The following LNPK variants were observed in gnomAD, a reference collection of about 807,000 sequenced individuals.
The protein encoded by LNPK is endoplasmic reticulum junction formation protein lunapark.
A neutral mutation model predicts 55.2 loss-of-function variants in LNPK; 29 were observed. The observed-to-expected ratio is 0.53, with a 90% CI of 0.39 to 0.72. The LOEUF (loss-of-function observed/expected upper bound fraction) is 0.72. Ranked by LOEUF, LNPK falls within the 30% of genes least tolerant of loss-of-function variation. The pLI is 0.00. For missense variants in LNPK, 467 were observed against 494.8 expected (o/e 0.94, Z 0.53); for synonymous variants, 162 against 168.2 (o/e 0.96, Z 0.29).
At chr2:175,995,272 T>A (rs72914729) in intron 2 of LNPK, among the ~76,000 whole-genome samples, 9,259 of 151,806 alleles carry the variant, frequency 0.061, 329 homozygotes, top group Admixed American at 0.12. Flanking sequence ...TTAGGAAGTA[T>A]AAGAAAACAA....
Position 175,995,516 on chromosome 2 carries a change from T to C in LNPK, c.27+42A>G, listed in dbSNP as rs751432363. On this transcript the variant is annotated intron_variant, in intron 2 of 12. Transcript: ENST00000272748. ...CACAAATAGCTTTATGTGACACTTTTATATTAGACTCAAGAACTAGCTGTA... is the reference window on the plus strand; with the variant it reads ...CACAAATAGCTTTATGTGACACTTTCATATTAGACTCAAGAACTAGCTGTA... The C allele has an allele frequency of 1.2e-5, 18 of 1,515,352 alleles. No individual in the cohort carries two copies. In the East Asian group the frequency reaches 1.6e-4, roughly 14 times the overall value. The allele number at this position is 1,515,352 out of a possible 1,614,324, so 93.9% of individuals were successfully genotyped here.
intron 5 of LNPK, among the ~76,000 whole-genome samples, chr2:175,975,349 C>T (rs2105667611): frequency 6.6e-6 from 1 of 152,264 alleles, no homozygotes; most frequent in South Asian, 2.1e-4. Context: ...AGAATCAGTG[C>T]CATCAGCTCA....
At chr2:175,963,086 AAC>A (rs1284996285) in intron 8 of LNPK, among the ~76,000 whole-genome samples, 2 of 147,306 alleles carry the variant, frequency 1.4e-5, no homozygotes, top group African/African-American at 5.1e-5. Flanking sequence ...GAGAAATAGG[AAC>A]ACTTTTACAC....
intron 9 of LNPK, among the ~76,000 whole-genome samples, chr2:175,945,002 A>C (rs1224914162): frequency 6.6e-6 from 1 of 151,486 alleles, no homozygotes; most frequent in Non-Finnish European, 1.5e-5. Flanking sequence ...AGGTTCCAGC[A>C]ATTCTCCTGC....
intron 4 of LNPK, among the ~76,000 whole-genome samples, chr2:175,986,919 T>C (rs1001918981): frequency 1.3e-5 from 2 of 148,748 alleles, no homozygotes; most frequent in African/African-American, 5.0e-5. Context: ...GTCCTGAAGG[T>C]ATTAGCTAAC....
chr2:175,953,061 G>A (rs1685499235), intron 8 of LNPK, among the ~76,000 whole-genome samples: 2 of 151,956 alleles, frequency 1.3e-5, no homozygotes, highest in Non-Finnish European at 2.9e-5. Flanking sequence ...TTCAAATTCT[G>A]GTTTTTATGA....
chr2:175,937,971 C>T (rs185948673), intron 11 of LNPK: 58 of 187,036 alleles, frequency 3.1e-4, no homozygotes, highest in Non-Finnish European at 4.6e-4. Context: ...TGAGAATCAT[C>T]TGCAGAGCTT....
Position 175,992,079 on chromosome 2 carries a change from T to C in LNPK, c.257+152A>G, listed in dbSNP as rs969813081. On this transcript the variant is annotated intron_variant, in intron 4 of 12. Coordinates refer to ENST00000272748, the MANE Select transcript of LNPK (RefSeq NM_030650.3). ...AAATGAAGGTTTAGAACAATTGTTC[T>C]ACTAAAAAAATCTTTTCAAATTGTG... is the stretch of plus-strand genomic sequence containing the variant. 29 of 531,072 alleles carry C rather than the reference T, an allele frequency of 5.5e-5. No homozygotes were observed. The African/African-American group carries it at 5.8e-4, about 11-fold the overall frequency. The allele number at this position is 531,072 out of a possible 1,614,324, so 32.9% of individuals were successfully genotyped here. A position where few individuals can be genotyped will look rare whatever the true frequency, so the allele number is the denominator to read the frequency against.
At position 175,995,620 on chromosome 2, in the gene LNPK, T is replaced by C. The variant is rs977430141; in HGVS notation, c.-36A>G. On this transcript the variant is annotated 5_prime_UTR_variant, in exon 2 of 13. Transcript: ENST00000272748. ...TAGAAACTGGGCACAATGATAAATA[T>C]CATCAATTGTCCAAAGGAATTCACA... 3 of 1,552,732 alleles carry C rather than the reference T, an allele frequency of 1.9e-6. No individual in the cohort carries two copies. The highest frequency in any genetic ancestry group is 2.7e-6 in the Non-Finnish European group (3 of 1,125,522).
At chr2:175,962,155 T>A (rs1364086190) in intron 8 of LNPK, among the ~76,000 whole-genome samples, 1 of 152,130 alleles carries the variant, frequency 6.6e-6, no homozygotes, top group Non-Finnish European at 1.5e-5. Flanking sequence ...TTCAATGCCA[T>A]CCCCATCAAG....
intron 12 of LNPK, among the ~76,000 whole-genome samples, chr2:175,931,809 G>A (rs1684290929): frequency 6.6e-6 from 1 of 152,172 alleles, no homozygotes; most frequent in Non-Finnish European, 1.5e-5. Context: ...AAGGGCAAAT[G>A]AAACTACAGG....
intron 5 of LNPK, among the ~76,000 whole-genome samples, chr2:175,971,011 G>T (rs1216185471): frequency 3.3e-5 from 5 of 151,878 alleles, no homozygotes; most frequent in African/African-American, 4.8e-5. Flanking sequence ...GGCCATTGAG[G>T]TGAAAAATTG....
chr2:175,971,555 C>A (rs1686663628), intron 5 of LNPK, among the ~76,000 whole-genome samples: 1 of 152,064 alleles, frequency 6.6e-6, no homozygotes, highest in African/African-American at 2.4e-5. Context: ...AATAACTGTT[C>A]TTAATACTTA....
chr2:175,968,633 A>G (rs993674243), intron 6 of LNPK, among the ~76,000 whole-genome samples: 21 of 152,106 alleles, frequency 1.4e-4, no homozygotes, highest in African/African-American at 4.1e-4. Context: ...TTATAATAAT[A>G]ATACTTACAT....
intron 1 of LNPK, among the ~76,000 whole-genome samples, chr2:176,001,238 C>G (rs894906955): frequency 6.6e-6 from 1 of 152,044 alleles, no homozygotes; most frequent in Non-Finnish European, 1.5e-5. Context: ...TTCCTGAAAC[C>G]AAGCTTACTC....
Position 175,929,732 on chromosome 2 carries a change from C to T in LNPK, c.*235G>A, listed in dbSNP as rs1684172078. The stretch of plus-strand genomic sequence containing the variant: ...ACAAAAAAGTATCTAAAAGCTGTCT[C>T]AATAGTGTGGGTCTTTGTACATTCA... On this transcript the variant is annotated 3_prime_UTR_variant, in exon 13 of 13. Transcript: ENST00000272748. 7.4e-7 allele frequency: 1 copy of T among 1,358,884 alleles called. No homozygotes were observed. The allele number at this position is 1,358,884 out of a possible 1,614,324, so 84.2% of individuals were successfully genotyped here.
At chr2:175,957,971 G>A (rs1047716236) in intron 8 of LNPK, among the ~76,000 whole-genome samples, 44 of 152,186 alleles carry the variant, frequency 2.9e-4, no homozygotes, top group African/African-American at 7.7e-4. Flanking sequence ...ACAGCAGTCC[G>A]AGATCCAACT....
At chr2:175,984,034 A>G (rs1291196857) in intron 4 of LNPK, among the ~76,000 whole-genome samples, 1 of 152,102 alleles carries the variant, frequency 6.6e-6, no homozygotes, top group Non-Finnish European at 1.5e-5. Flanking sequence ...GAAAAACACA[A>G]TTAATAAAGG....
At chr2:175,961,300 T>C (rs186233731) in intron 8 of LNPK, among the ~76,000 whole-genome samples, 30 of 152,310 alleles carry the variant, frequency 2.0e-4, no homozygotes, top group Admixed American at 3.3e-4. Flanking sequence ...GCGAAAATCC[T>C]GAATAAAATA....
Sources: gnomAD v4.1 joint callset for allele counts (sites outside exome capture counted in the v4.1 genomes callset) on GRCh38, gnomAD v4.1.1 for gene constraint, MANE v1.5 for transcripts, NCBI Gene and HGNC (gene_info 2026-07-23, HGNC 2026-07-21) for gene names.